Variants in ULK4 observed in about 807,000 individuals in gnomAD.
ULK4 encodes the protein inactive serine/threonine-protein kinase ULK4.
Under a neutral mutation model 160.6 loss-of-function variants are expected in ULK4, and 133 were observed. That is an observed-to-expected ratio of 0.83 (90% CI 0.72 to 0.96). ULK4 has a LOEUF of 0.96. Among genes scored for constraint, ULK4 ranks in the 40% least tolerant of loss-of-function variants. ULK4 has a pLI of 0.00. For synonymous variants in ULK4, 534 were observed against 539.8 expected, an observed-to-expected ratio of 0.99 and a Z score of 0.15; for missense variants, 1,580 against 1,499.5, an observed-to-expected ratio of 1.05 and a Z score of -0.89.
chr3:41,403,611 A>C (rs1336792471), intron 34 of ULK4, among the ~76,000 whole-genome samples: 1 of 151,616 alleles, frequency 6.6e-6, no homozygotes, highest in African/African-American at 2.4e-5. Flanking sequence ...TGATCTTTAT[A>C]ATTCCTTCCC....
chr3:41,424,096 C>G (rs1411227176), intron 34 of ULK4, among the ~76,000 whole-genome samples: 1 of 152,104 alleles, frequency 6.6e-6, no homozygotes, highest in Non-Finnish European at 1.5e-5. Context: ...CCATCTTTCC[C>G]CTGCCAGTGC....
At chr3:41,429,799 G>A (rs1294421080) in intron 34 of ULK4, among the ~76,000 whole-genome samples, 1 of 152,038 alleles carries the variant, frequency 6.6e-6, no homozygotes, top group Non-Finnish European at 1.5e-5. Flanking sequence ...CATGCTGGCT[G>A]GGCTTAATAC....
At chr3:41,622,796 C>T (rs1255462774) in intron 30 of ULK4, among the ~76,000 whole-genome samples, 1 of 152,150 alleles carries the variant, frequency 6.6e-6, no homozygotes, top group Non-Finnish European at 1.5e-5. Context: ...TCTAAATACT[C>T]TTTTAGTCCA....
intron 17 of ULK4, among the ~76,000 whole-genome samples, chr3:41,878,081 GA>G (rs35037891): frequency 0.14 from 15,205 of 108,178 alleles, 907 homozygotes; most frequent in Middle Eastern, 0.29. Flanking sequence ...GCTCTACCAG[GA>G]AAAAAAAAAA....
In ULK4 at chr3:41,389,677, T is replaced by C. The variant is rs7614586; in HGVS notation, c.3678+8402A>G. ...CTGTTTATATGCTGGATTATGTTTA[T>C]TGATTTGCCTATGTTGAACCAGCCT... On this transcript the variant is annotated intron_variant, in intron 35 of 36. Coordinates refer to ENST00000301831, the MANE Select transcript of ULK4 (RefSeq NM_017886.4). Among the ~76,000 whole-genome samples the C allele has an allele frequency of 6.7e-3, 1,014 of 152,326 alleles. 4 individuals carry two copies. The highest frequency in any genetic ancestry group is 0.015 in the East Asian group (79 of 5,188).
intron 34 of ULK4, among the ~76,000 whole-genome samples, chr3:41,410,848 C>T (rs919294088): frequency 5.3e-5 from 8 of 152,160 alleles, no homozygotes; most frequent in Admixed American, 3.3e-4. Flanking sequence ...TAAGTAAATG[C>T]CATTCCCCCA....
chr3:41,388,929 G>C (rs1006683996), intron 35 of ULK4, among the ~76,000 whole-genome samples: 1 of 152,080 alleles, frequency 6.6e-6, no homozygotes, highest in African/African-American at 2.4e-5. Context: ...TTGGTAGCTT[G>C]ATGGGGATGG....
intron 22 of ULK4, among the ~76,000 whole-genome samples, chr3:41,730,973 T>C (rs757877339): frequency 2.6e-5 from 4 of 152,060 alleles, no homozygotes; most frequent in Non-Finnish European, 5.9e-5. Flanking sequence ...TTGATAAAAG[T>C]CAACATCCTT....
At chr3:41,396,125 G>C (rs927541229) in intron 35 of ULK4, among the ~76,000 whole-genome samples, 6 of 151,868 alleles carry the variant, frequency 4.0e-5, no homozygotes, top group Non-Finnish European at 8.8e-5. Flanking sequence ...TTTTTCGTAA[G>C]TTTTGTTCAA....
At chr3:41,349,124 G>C (rs981033142) in intron 35 of ULK4, among the ~76,000 whole-genome samples, 1 of 152,126 alleles carries the variant, frequency 6.6e-6, no homozygotes, top group Non-Finnish European at 1.5e-5. Context: ...CTCTAGGCTC[G>C]GGCCATACTA....
At chr3:41,869,452 A>C (rs1399535206) in intron 17 of ULK4, among the ~76,000 whole-genome samples, 1 of 152,110 alleles carries the variant, frequency 6.6e-6, no homozygotes, top group African/African-American at 2.4e-5. Flanking sequence ...ATGGTGGCAC[A>C]CACCTGTAAT....
intron 30 of ULK4, among the ~76,000 whole-genome samples, chr3:41,640,096 T>C (rs1336773999): frequency 3.3e-5 from 5 of 152,160 alleles, no homozygotes; most frequent in Non-Finnish European, 7.3e-5. Flanking sequence ...GTTAACATAA[T>C]CATCATCTTC....
chr3:41,961,756 A>T (rs994285123), intron 1 of ULK4, among the ~76,000 whole-genome samples: 1 of 151,230 alleles, frequency 6.6e-6, no homozygotes, highest in Non-Finnish European at 1.5e-5. Context: ...ACACACAAGC[A>T]CTCTCTCTCC....
At chr3:41,408,615 A>G (rs937513982) in intron 34 of ULK4, among the ~76,000 whole-genome samples, 2 of 152,088 alleles carry the variant, frequency 1.3e-5, no homozygotes, top group African/African-American at 4.8e-5. Context: ...AGTTGATCCT[A>G]AAATTCATAT....
At chr3:41,951,775 C>T (rs1406574534) in intron 2 of ULK4, among the ~76,000 whole-genome samples, 1 of 152,200 alleles carries the variant, frequency 6.6e-6, no homozygotes, top group Non-Finnish European at 1.5e-5. Context: ...GTCATCAGGG[C>T]TCTGCCCTCA....
chr3:41,646,186 A>G (rs956272700), intron 30 of ULK4, among the ~76,000 whole-genome samples: 10 of 152,142 alleles, frequency 6.6e-5, no homozygotes, highest in African/African-American at 2.4e-4. Flanking sequence ...CATTTAGTCC[A>G]TTTACATTTA....
At chr3:41,848,464 G>C (rs1291782139) in intron 17 of ULK4, among the ~76,000 whole-genome samples, 1 of 152,084 alleles carries the variant, frequency 6.6e-6, no homozygotes, top group Non-Finnish European at 1.5e-5. Context: ...TTCCTGCACT[G>C]TGCCTGGTCT....
At chr3:41,341,753 T>A (rs1054618499) in intron 35 of ULK4, among the ~76,000 whole-genome samples, 3 of 152,208 alleles carry the variant, frequency 2.0e-5, no homozygotes, top group Non-Finnish European at 4.4e-5. Context: ...AAAGCCCTGC[T>A]AAGCATCCCC....
At chr3:41,262,114 C>G (rs1391837509) in intron 35 of ULK4, among the ~76,000 whole-genome samples, 1 of 152,188 alleles carries the variant, frequency 6.6e-6, no homozygotes, top group African/African-American at 2.4e-5. Flanking sequence ...TGCTTCCTGC[C>G]CCAGTCACCA....
Sources: gnomAD v4.1 joint callset for allele counts (sites outside exome capture counted in the v4.1 genomes callset) on GRCh38, gnomAD v4.1.1 for gene constraint, MANE v1.5 for transcripts, NCBI Gene and HGNC (gene_info 2026-07-23, HGNC 2026-07-21) for gene names.